Variants in DCDC1 observed in about 807,000 individuals in gnomAD.
The protein encoded by DCDC1 is doublecortin domain-containing protein 1.
A neutral mutation model predicts 178.3 loss-of-function variants in DCDC1; 200 were observed. That is an observed-to-expected ratio of 1.12 (90% CI 1.00 to 1.26). The LOEUF is 1.26. DCDC1 is among the 50% of genes most tolerant of loss of function. The pLI, the probability that DCDC1 is intolerant of heterozygous loss-of-function variation, is 0.00. For missense variants in DCDC1, 1,983 were observed against 1,749.2 expected, an observed-to-expected ratio of 1.13 and a Z score of -2.38; for synonymous variants, 690 against 604.8, an observed-to-expected ratio of 1.14 and a Z score of -2.07.
rs189025743 is a variant in DCDC1, at chr11:31,346,953, A to G, written c.-124-11389T>C. Among the ~76,000 whole-genome samples the G allele has an allele frequency of 3.0e-3, 451 of 152,376 alleles. 2 individuals are homozygous for G. Among genetic ancestry groups the G allele is most frequent in the African/African-American group, 0.01 (416 of 41,586 alleles). ...AAATAGTTTTATTTTTTAAATGTCA[A>G]CATTCATAGCATATCAGAAATCACA... is the stretch of plus-strand genomic sequence containing the variant. On this transcript the variant is annotated intron_variant, in intron 1 of 38. Coordinates refer to ENST00000684477, the MANE Select transcript of DCDC1 (RefSeq NM_001387274.1).
intron 20 of DCDC1, among the ~76,000 whole-genome samples, 154 bp downstream of exon 20, chr11:31,064,315 T>C (rs1326935936): frequency 6.6e-6 from 1 of 152,150 alleles, no homozygotes; most frequent in Non-Finnish European, 1.5e-5. Flanking sequence ...AATGTCACCT[T>C]TCTTCATCAA....
intron 1 of DCDC1, among the ~76,000 whole-genome samples, chr11:31,352,336 GTTTAT>G (rs1951113835): frequency 6.6e-6 from 1 of 152,004 alleles, no homozygotes; most frequent in South Asian, 2.1e-4. Context: ...AAGAGAAATC[GTTTAT>G]TTATTTAAAT....
At chr11:31,016,121 T>C (rs960075148) in intron 20 of DCDC1, among the ~76,000 whole-genome samples, 1 of 152,210 alleles carries the variant, frequency 6.6e-6, no homozygotes, top group Non-Finnish European at 1.5e-5. Flanking sequence ...CTAGTTTCTA[T>C]GAGCCTCTGT....
intron 21 of DCDC1, among the ~76,000 whole-genome samples, chr11:30,952,097 G>A (rs771772863): frequency 3.4e-4 from 51 of 152,118 alleles, no homozygotes; most frequent in Non-Finnish European, 6.3e-4. Flanking sequence ...ATTAGTATTG[G>A]ATAAATGAGA....
Position 31,205,009 on chromosome 11 carries a change from G to A in DCDC1, c.1221+36441C>T, listed in dbSNP as rs369355422. 2.5e-3 allele frequency among the ~76,000 whole-genome samples: 388 copies of A among 152,248 alleles called. 3 individuals carry two copies. The highest frequency in any genetic ancestry group is 3.8e-3 in the Non-Finnish European group (258 of 68,022). On this transcript the variant is annotated intron_variant, in intron 9 of 38. Transcript: ENST00000684477. The stretch of plus-strand genomic sequence containing the variant: ...ATACTCTCAGTAGGCTTTGGATTCT[G>A]AGCCAATGGAATATCACTATAGGCA...
At chr11:31,229,803 G>T (rs1171518407) in intron 9 of DCDC1, among the ~76,000 whole-genome samples, 1 of 152,052 alleles carries the variant, frequency 6.6e-6, no homozygotes, top group Non-Finnish European at 1.5e-5. Context: ...TGCAGAAAAA[G>T]CATTTGGCAA....
chr11:31,105,758 C>T (rs1205610877), intron 13 of DCDC1, among the ~76,000 whole-genome samples: 1 of 152,008 alleles, frequency 6.6e-6, no homozygotes, highest in African/African-American at 2.4e-5. Context: ...GCAACATCTT[C>T]CAAAACCTTG....
At chr11:31,002,124 T>C (rs1427946187) in intron 20 of DCDC1, among the ~76,000 whole-genome samples, 1 of 152,208 alleles carries the variant, frequency 6.6e-6, no homozygotes, top group Non-Finnish European at 1.5e-5. Flanking sequence ...AATGTTACTT[T>C]TAGAAGCCAC....
chr11:30,865,913 G>A (rs185891047), intron 38 of DCDC1, among the ~76,000 whole-genome samples: 6 of 152,222 alleles, frequency 3.9e-5, no homozygotes, highest in African/African-American at 1.2e-4. Flanking sequence ...GAGGTTTGGG[G>A]ATTTTTGTTA....
chr11:30,941,230 C>G (rs1227886802), intron 21 of DCDC1, among the ~76,000 whole-genome samples: 3 of 152,090 alleles, frequency 2.0e-5, no homozygotes, highest in Admixed American at 2.0e-4. Context: ...CTGTTTCTAC[C>G]TCAGCCCATT....
At chr11:31,356,979 T>A (rs1441608811) in intron 1 of DCDC1, among the ~76,000 whole-genome samples, 1 of 152,004 alleles carries the variant, frequency 6.6e-6, no homozygotes, top group South Asian at 2.1e-4. Context: ...CAGGACCAGA[T>A]GGATTCACAG....
intron 32 of DCDC1, among the ~76,000 whole-genome samples, chr11:30,902,514 A>T (rs1252955071): frequency 6.6e-6 from 1 of 152,172 alleles, no homozygotes. Context: ...ATATACACAT[A>T]TATGTGTGTG....
chr11:31,115,932 G>C (rs747452566), intron 11 of DCDC1, among the ~76,000 whole-genome samples: 5 of 135,548 alleles, frequency 3.7e-5, no homozygotes, highest in Non-Finnish European at 6.2e-5. Context: ...GGGAGAAGCA[G>C]CTCCTTTACA....
At chr11:31,116,317 A>G (rs901785740) in intron 11 of DCDC1, among the ~76,000 whole-genome samples, 2 of 152,132 alleles carry the variant, frequency 1.3e-5, no homozygotes, top group African/African-American at 4.8e-5. Context: ...AAAATATTAT[A>G]TAGTTGAGTT....
chr11:30,918,403 C>T (rs537140349), intron 25 of DCDC1, among the ~76,000 whole-genome samples: 1 of 152,220 alleles, frequency 6.6e-6, no homozygotes, highest in South Asian at 2.1e-4. Context: ...GTTATCAGTG[C>T]TCACGGAGTT....
chr11:31,315,098 A>G (rs1388175019), intron 3 of DCDC1, among the ~76,000 whole-genome samples: 2 of 152,270 alleles, frequency 1.3e-5, no homozygotes, highest in African/African-American at 4.8e-5. Context: ...AGATTTGACA[A>G]GAACAATTTT....
At chr11:31,213,100 C>CCTCTCTCTCTCTCTCTCTCTCTCT in intron 9 of DCDC1, among the ~76,000 whole-genome samples, 1 of 44,274 alleles carries the variant, frequency 2.3e-5, no homozygotes, top group African/African-American at 8.4e-5. Context: ...TAAAGCCCAG[C>CCTCTCTCTCTCTCTCTCTCTCTCT]CTCTCTCTCT....
At chr11:30,954,468 T>C (rs1251581005) in intron 20 of DCDC1, among the ~76,000 whole-genome samples, 1 of 152,206 alleles carries the variant, frequency 6.6e-6, no homozygotes, top group African/African-American at 2.4e-5. Context: ...ACCATAAAGA[T>C]ACAGAAAACT....
intron 1 of DCDC1, among the ~76,000 whole-genome samples, chr11:31,368,576 A>G (rs952309662): frequency 1.7e-4 from 26 of 152,222 alleles, no homozygotes; most frequent in African/African-American, 6.3e-4. Context: ...AACCTAATCT[A>G]TGCTTTCATC....
Sources: gnomAD v4.1 joint callset for allele counts (sites outside exome capture counted in the v4.1 genomes callset) on GRCh38, gnomAD v4.1.1 for gene constraint, MANE v1.5 for transcripts, NCBI Gene and HGNC (gene_info 2026-07-23, HGNC 2026-07-21) for gene names.